ELMO1: variants seen among roughly 807,000 people sequenced by gnomAD.
The protein encoded by ELMO1 is engulfment and cell motility 1.
In ELMO1, 26 loss-of-function variants were observed where a neutral mutation model predicts 98.9. The observed-to-expected ratio is 0.26, with a 90% CI of 0.19 to 0.36. The LOEUF (loss-of-function observed/expected upper bound fraction) is 0.36. Among genes scored for constraint, ELMO1 ranks in the 10% least tolerant of loss-of-function variants. The pLI, the probability that ELMO1 is intolerant of heterozygous loss-of-function variation, is 1.00. For missense variants in ELMO1, 627 were observed against 935.2 expected (o/e 0.67, Z 4.30); for synonymous variants, 346 against 346.0 (o/e 1.00, Z 0.00).
At chr7:37,092,178 A>C (rs1784132932) in intron 15 of ELMO1, among the ~76,000 whole-genome samples, 1 of 152,114 alleles carries the variant, frequency 6.6e-6, no homozygotes, top group African/African-American at 2.4e-5. Context: ...TGCTCACAAA[A>C]GAGCCTCATG....
intron 7 of ELMO1, among the ~76,000 whole-genome samples, chr7:37,233,702 C>T (rs997461814): frequency 6.7e-6 from 1 of 149,218 alleles, no homozygotes; most frequent in African/African-American, 2.5e-5. Flanking sequence ...ATTAAAAATA[C>T]TTCTATTAAG....
chr7:37,210,997 G>A (rs1792931550), intron 13 of ELMO1: 1 of 168,944 alleles, frequency 5.9e-6, no homozygotes, highest in Non-Finnish European at 1.3e-5. Flanking sequence ...ATTTGACTTT[G>A]ATATAAAATT....
intron 1 of ELMO1, among the ~76,000 whole-genome samples, chr7:37,439,449 G>A (rs752681108): frequency 2.8e-4 from 42 of 152,106 alleles, no homozygotes; most frequent in Non-Finnish European, 5.7e-4. Context: ...TTAGCATACT[G>A]TTATGACTGT....
intron 13 of ELMO1, among the ~76,000 whole-genome samples, chr7:37,135,694 G>A (rs1469387142): frequency 2.0e-5 from 3 of 152,154 alleles, no homozygotes; most frequent in Non-Finnish European, 4.4e-5. Context: ...CCACATCAAG[G>A]GAGCACCCTG....
chr7:37,105,180 C>T (rs1237264408), intron 14 of ELMO1, among the ~76,000 whole-genome samples: 3 of 152,146 alleles, frequency 2.0e-5, no homozygotes, highest in Non-Finnish European at 2.9e-5. Flanking sequence ...CACGTTTTGC[C>T]GAAAGGCCCT....
At chr7:37,401,006 C>T (rs561170554) in intron 1 of ELMO1, among the ~76,000 whole-genome samples, 3 of 152,238 alleles carry the variant, frequency 2.0e-5, no homozygotes, top group South Asian at 2.1e-4. Context: ...AAGAGACATC[C>T]GCCTGACTGA....
At chr7:37,197,617 G>A (rs772368030) in intron 13 of ELMO1, among the ~76,000 whole-genome samples, 7 of 152,224 alleles carry the variant, frequency 4.6e-5, no homozygotes, top group African/African-American at 1.4e-4. Context: ...CTAGCTTTGC[G>A]TGGAGCTGAT....
At chr7:37,171,575 C>A (rs1790169337) in intron 13 of ELMO1, among the ~76,000 whole-genome samples, 1 of 137,204 alleles carries the variant, frequency 7.3e-6, no homozygotes, top group Admixed American at 8.3e-5. Context: ...TCACTGCAAG[C>A]TGAGCCTCCC....
chr7:37,240,976 C>T, intron 7 of ELMO1, among the ~76,000 whole-genome samples: 1 of 152,050 alleles, frequency 6.6e-6, no homozygotes, highest in Admixed American at 6.5e-5. Flanking sequence ...TAAGGCAAGA[C>T]CTTTGATAGT....
intron 1 of ELMO1, among the ~76,000 whole-genome samples, chr7:37,386,154 T>C (rs143693135): frequency 6.6e-6 from 1 of 152,350 alleles, no homozygotes; most frequent in East Asian, 1.9e-4. Context: ...GGAATTAGCA[T>C]ACTTCCTCAA....
Position 36,855,144 on chromosome 7 carries a change from G to C in ELMO1, c.*407C>G. 1 of 233,428 alleles carries C rather than the reference G, an allele frequency of 4.3e-6. No individual in the cohort carries two copies. Among genetic ancestry groups the C allele is most frequent in the Non-Finnish European group, 8.6e-6 (1 of 116,858 alleles). The allele number at this position is 233,428 out of a possible 1,614,324, so 14.5% of individuals were successfully genotyped here. On this transcript the variant is annotated 3_prime_UTR_variant, in exon 22 of 22. Transcript: ENST00000310758. This position sits in a 1 kb window ranked among gnomAD's most constrained non-coding sequence, Gnocchi z 4.2. ...TCAAATAGCTAGGCCATTTCCTCCA[G>C]ACAGGGGCCTTGGGGCACTGCCCTT...
intron 14 of ELMO1, chr7:37,116,908 A>T: frequency 4.8e-6 from 1 of 209,392 alleles, no homozygotes; most frequent in Non-Finnish European, 1.0e-5. Context: ...ATCTCTGGCA[A>T]GAAGCTCCGC....
At chr7:37,209,574 T>C (rs892329900) in intron 13 of ELMO1, among the ~76,000 whole-genome samples, 3 of 152,218 alleles carry the variant, frequency 2.0e-5, no homozygotes, top group African/African-American at 7.2e-5. Context: ...ATGCCCTGAT[T>C]CTTCCTTGGT....
chr7:37,003,654 A>G (rs150147676), intron 16 of ELMO1, among the ~76,000 whole-genome samples: 2 of 152,362 alleles, frequency 1.3e-5, no homozygotes, highest in African/African-American at 2.4e-5. Context: ...CATACAACCA[A>G]TGTAAATTAG....
intron 16 of ELMO1, chr7:36,984,884 C>G: frequency 1.0e-6 from 1 of 984,658 alleles, no homozygotes; most frequent in Non-Finnish European, 1.2e-6. Flanking sequence ...CTTCAGCCCC[C>G]ACTCTCTGCA....
intron 7 of ELMO1, among the ~76,000 whole-genome samples, chr7:37,235,415 T>C (rs1329506614): frequency 6.6e-6 from 1 of 152,178 alleles, no homozygotes; most frequent in Non-Finnish European, 1.5e-5. Flanking sequence ...ATTTATTTTA[T>C]TTACTTAAAA....
intron 1 of ELMO1, among the ~76,000 whole-genome samples, chr7:37,437,979 C>CAAAAAAAAAAA (rs57418239): frequency 1.1e-4 from 2 of 18,048 alleles, no homozygotes; most frequent in Admixed American, 8.5e-4. Flanking sequence ...GACTCCGTCT[C>CAAAAAAAAAAA]AAAAAAAAAA....
At chr7:37,389,300 CA>C (rs1461331222) in intron 1 of ELMO1, among the ~76,000 whole-genome samples, 2 of 152,080 alleles carry the variant, frequency 1.3e-5, no homozygotes, top group African/African-American at 4.8e-5. Context: ...TCAAAGAGTC[CA>C]AAATAAAACC....
intron 4 of ELMO1, among the ~76,000 whole-genome samples, chr7:37,296,923 C>T (rs564356079): frequency 3.3e-5 from 5 of 152,282 alleles, no homozygotes; most frequent in East Asian, 1.9e-4. Context: ...CAAGCCAATA[C>T]GCCTGAACTA....
Sources: allele counts gnomAD v4.1 joint callset (sites outside exome capture counted in the v4.1 genomes callset), GRCh38; gene constraint gnomAD v4.1.1; non-coding constraint Gnocchi (gnomAD v3.1); transcripts MANE v1.5; gene names NCBI Gene and HGNC (gene_info 2026-07-23, HGNC 2026-07-21).